GP2: variants seen among roughly 807,000 people sequenced by gnomAD.
GP2 encodes pancreatic secretory granule membrane major glycoprotein GP2.
GP2 carries 58 observed loss-of-function variants against 60.8 expected under a neutral mutation model. The observed-to-expected ratio is 0.95, with a 90% confidence interval of 0.77 to 1.19. The LOEUF (loss-of-function observed/expected upper bound fraction) is 1.19. Among genes scored for constraint, GP2 ranks in the 50% most tolerant of loss-of-function variants. GP2 has a pLI of 0.00. For synonymous variants in GP2, 280 were observed against 253.4 expected (o/e 1.10, Z -1.00); for missense variants, 647 against 667.4 (o/e 0.97, Z 0.34).
chr16:20,317,908 T>C (rs908390719), intron 7 of GP2, among the ~76,000 whole-genome samples: 14 of 152,234 alleles, frequency 9.2e-5, no homozygotes, highest in Admixed American at 7.8e-4. Context: ...TTCTGTGTAA[T>C]AATCCATCAC....
At chr16:20,323,400 G>A in intron 3 of GP2, 2 of 718,284 alleles carry the variant, frequency 2.8e-6, no homozygotes, top group Admixed American at 2.0e-5. Flanking sequence ...CTGGGGAGAG[G>A]ATCAAATGAG....
intron 4 of GP2, among the ~76,000 whole-genome samples, chr16:20,321,671 T>A (rs1964360403): frequency 6.6e-6 from 1 of 151,886 alleles, no homozygotes. Context: ...AGCATGGAGA[T>A]GGGATAGAGG....
rs928881745 is a variant in GP2 at position 20,318,426 on chromosome 16, G to A, written c.1012C>T (p.Leu338=). The A allele has an allele frequency of 5.6e-6, 9 of 1,612,350 alleles. No individual in the cohort carries two copies. The African/African-American group carries it at 1.2e-4, about 22-fold the overall frequency. The stretch of plus-strand genomic sequence containing the variant: ...CCATTCCCGTCCACACTGACGTTCA[G>A]GGAACTGAGAAAAAGAAAGCCACAA... ...QAALQPIVSS[L]NVSVDGNGEF... The change falls in exon 7 of 11, where the codon CTG becomes TTG. Residue 338 remains leucine (L), a synonymous_variant. Transcript: ENST00000302555.
intron 8 of GP2, among the ~76,000 whole-genome samples, chr16:20,316,374 C>T (rs1030993892): frequency 6.6e-6 from 1 of 152,302 alleles, no homozygotes; most frequent in East Asian, 1.9e-4. Context: ...AGTAAGCACT[C>T]GGAAAATGCC....
intron 4 of GP2, among the ~76,000 whole-genome samples, chr16:20,320,906 A>G (rs755087505): frequency 1.3e-5 from 2 of 152,208 alleles, no homozygotes; most frequent in Non-Finnish European, 2.9e-5. Flanking sequence ...ACTTATCAAA[A>G]CTGAAAAAAT....
chr16:20,324,357 A>G (rs72776650), intron 2 of GP2, 101 bp from the exon 3 acceptor site: 10,459 of 678,226 alleles, frequency 0.015, 111 homozygotes, highest in Middle Eastern at 0.025. Flanking sequence ...AAGGACTCCA[A>G]TGAGGACAAT....
In GP2 at chr16:20,317,344, C is replaced by G. The variant is rs78193826; in HGVS notation, c.1285G>C (p.Val429Leu). 5.6e-6 allele frequency: 9 copies of G among 1,613,744 alleles called. No homozygotes were observed. The East Asian group carries it at 2.0e-4, about 36-fold the overall frequency. Residue 429 changes from valine to leucine, a missense_variant, in exon 8 of 11, where the codon GTG becomes CTG. By Grantham distance (32) the Val-to-Leu change is conservative (BLOSUM62 1). Transcript: ENST00000302555. ...CSNQRDSTIHVEENGQSSESR... is the reference protein window; with the variant it reads ...CSNQRDSTIHLEENGQSSESR... The stretch of plus-strand genomic sequence containing the variant: ...TCCGAGGACTGCCCATTCTCCTCCA[C>G]GTGGATGGTGGAATCACGTTGATTT...
chr16:20,315,005 A>G (rs1398645240), intron 9 of GP2, among the ~76,000 whole-genome samples: 1 of 152,206 alleles, frequency 6.6e-6, no homozygotes, highest in African/African-American at 2.4e-5. Flanking sequence ...AGTCAGTAGC[A>G]GAGCTGGGAT....
Position 20,324,036 on chromosome 16 carries a change from C to A in GP2, c.315G>T (p.Glu105Asp), listed in dbSNP as rs745935829. The change falls in exon 3 of 11, where the codon GAG becomes GAT. Residue 105 changes from glutamate to aspartate, a missense_variant. Physicochemically the swap from Glu to Asp is conservative, Grantham distance 45 (BLOSUM62 2). Coordinates refer to ENST00000302555, the MANE Select transcript of GP2 (RefSeq NM_001502.4). ...FVGEGGVRMS[E>D]TCVQVHRCQT... ...GGCATCGGTGCACCTGGACACAGGT[C>A]TCCGACATCCTTACTCCTCCTTCCC... 5 of 1,613,734 alleles carry A rather than the reference C, an allele frequency of 3.1e-6. No homozygotes were observed. The highest frequency in any genetic ancestry group is 3.4e-6 in the Non-Finnish European group (4 of 1,179,694).
chr16:20,319,508 G>T, intron 6 of GP2, 112 bp downstream of exon 6: 1 of 706,306 alleles, frequency 1.4e-6, no homozygotes. Context: ...ATGACTGGAG[G>T]CTCCTGGAGG....
intron 9 of GP2, 114 bp from the exon 10 acceptor site, chr16:20,314,815 G>C: frequency 1.3e-6 from 1 of 785,374 alleles, no homozygotes; most frequent in South Asian, 1.4e-5. Flanking sequence ...CCACCAGCAA[G>C]TTTGTGGCCA....
intron 4 of GP2, among the ~76,000 whole-genome samples, chr16:20,322,546 C>A (rs1964396656): frequency 1.3e-5 from 2 of 152,028 alleles, no homozygotes; most frequent in South Asian, 2.1e-4. Context: ...ACATGAAGAC[C>A]CTGTGGCTAT....
Position 20,310,723 on chromosome 16 carries a change from G to A in GP2, c.*500C>T, listed in dbSNP as rs1222061159. ...CAAATGAGAAGGGCAGCCGAGGACA[G>A]ATTGACAGAAACCCCACTATGTTGC... On this transcript the variant is annotated 3_prime_UTR_variant, in exon 11 of 11. Coordinates refer to ENST00000302555, the MANE Select transcript of GP2 (RefSeq NM_001502.4). 1 of 153,932 alleles carries A rather than the reference G, an allele frequency of 6.5e-6. No individual in the cohort carries two copies. The highest frequency in any genetic ancestry group is 1.9e-4 in the East Asian group (1 of 5,136). 9.5% of individuals were successfully genotyped at this position (153,932 alleles called of 1,614,324 possible). A position where few individuals can be genotyped will look rare whatever the true frequency, so the allele number is the denominator to read the frequency against.
At chr16:20,318,463 T>A (rs759582799) in intron 6 of GP2, 33 bp from the exon 7 acceptor site, 4 of 1,601,922 alleles carry the variant, frequency 2.5e-6, no homozygotes, top group Non-Finnish European at 3.4e-6. Flanking sequence ...AGTGGAAACC[T>A]CAGAGAACAA....
At chr16:20,323,494 C>CT (rs980934011) in intron 3 of GP2, 62 of 616,478 alleles carry the variant, frequency 1.0e-4, no homozygotes, top group Middle Eastern at 2.5e-4. Flanking sequence ...TACCCCCCCC[C>CT]CCTTTTTTTC....
At chr16:20,326,134 A>G (rs1399415679) in intron 2 of GP2, 5 of 577,542 alleles carry the variant, frequency 8.7e-6, no homozygotes, top group Non-Finnish European at 1.5e-5. Context: ...CTGCCCTTTC[A>G]GAGGAATTTC....
In GP2 at chr16:20,317,363, T is replaced by C. The variant is rs1129818; in HGVS notation, c.1266A>G (p.Gln422=). The change falls in exon 8 of 11, where the codon CAA becomes CAG. Residue 422 remains glutamine (Q), a synonymous_variant. Transcript: ENST00000302555. ...CCTCCACGTGGATGGTGGAATCACG[T>C]TGATTTGAGCAGCTGGGAGGGTGAC... The part of the protein sequence containing the change: ...YFIIRNSCSN[Q]RDSTIHVEEN... 663,454 of 1,611,252 alleles carry C rather than the reference T, an allele frequency of 0.41. 145,049 individuals carry two copies. The highest frequency in any genetic ancestry group is 0.45 in the Non-Finnish European group (531,718 of 1,177,594).
In GP2 at chr16:20,318,346, G is replaced by A. The variant is rs766379727; in HGVS notation, c.1092C>T (p.Tyr364=). 39 of 1,612,974 alleles carry A rather than the reference G, an allele frequency of 2.4e-5. No individual in the cohort carries two copies. Among genetic ancestry groups the A allele is most frequent in the South Asian group, 4.4e-5 (4 of 91,064 alleles). The change falls in exon 7 of 11, where the codon TAC becomes TAT. Residue 364 remains tyrosine, a synonymous_variant. Transcript: ENST00000302555. The stretch of plus-strand genomic sequence containing the variant: ...CAGACAGTTCAACTGCATCCCCTTC[G>A]TAAGGATTCGTGTAGTTCTGGTCTT... ...LFQDQNYTNP[Y]EGDAVELSVE... is the part of the protein sequence containing the mutation.
intron 4 of GP2, among the ~76,000 whole-genome samples, chr16:20,321,511 C>G (rs12919315): frequency 0.017 from 2,573 of 152,200 alleles, 24 homozygotes; most frequent in Middle Eastern, 0.034. Context: ...TGTACAGATG[C>G]AGGGGGAGCA....
Sources: gnomAD v4.1 joint callset for allele counts (sites outside exome capture counted in the v4.1 genomes callset) on GRCh38, gnomAD v4.1.1 for gene constraint, MANE v1.5 for transcripts, NCBI Gene and HGNC (gene_info 2026-07-23, HGNC 2026-07-21) for gene names.